The following NUDC variants were observed in gnomAD, a reference collection of about 807,000 sequenced individuals.
The protein encoded by NUDC is nuclear migration protein nudC.
In NUDC, 14 loss-of-function variants were observed where a neutral mutation model predicts 45.0. That is an observed-to-expected ratio of 0.31 (90% CI 0.21 to 0.49). The LOEUF (loss-of-function observed/expected upper bound fraction) is 0.49, where lower values mean the gene tolerates loss of function less well. NUDC is among the 20% of genes least tolerant of loss of function. The pLI is 0.99. For synonymous variants in NUDC, 153 were observed against 156.7 expected, an observed-to-expected ratio of 0.98 and a Z score of 0.17; for missense variants, 323 against 426.2, an observed-to-expected ratio of 0.76 and a Z score of 2.13.
chr1:26,919,798 G>C (rs1199501009), upstream of NUDC, among the ~76,000 whole-genome samples: 2 of 152,218 alleles, frequency 1.3e-5, no homozygotes, highest in African/African-American at 4.8e-5. Flanking sequence ...AAGTGAGATA[G>C]AGTGGGAAGA....
At chr1:26,916,659 A>G (rs1368427040) in intron 3 of NUDC, among the ~76,000 whole-genome samples, 1 of 151,994 alleles carries the variant, frequency 6.6e-6, no homozygotes, top group Non-Finnish European at 1.5e-5. Context: ...CTAGAATCAT[A>G]CTAAAAAACC....
At chr1:26,923,752 G>A (rs989625852) in intron 1 of NUDC, among the ~76,000 whole-genome samples, 3 of 152,136 alleles carry the variant, frequency 2.0e-5, no homozygotes, top group African/African-American at 4.8e-5. Context: ...GATTATAGGT[G>A]TGAGCCAGTG....
intron 2 of NUDC, among the ~76,000 whole-genome samples, chr1:26,931,499 G>A (rs1362482419): frequency 6.9e-6 from 1 of 145,778 alleles, no homozygotes; most frequent in Admixed American, 7.0e-5. Context: ...TTCTCGTACC[G>A]GTTGGGCACG....
intron 2 of NUDC, among the ~76,000 whole-genome samples, chr1:26,906,064 C>G (rs1423710733): frequency 6.6e-6 from 1 of 151,980 alleles, no homozygotes; most frequent in Non-Finnish European, 1.5e-5. Flanking sequence ...GGCGGATCAC[C>G]TGAGGTTGGG....
chr1:26,939,201 C>T (rs926643454), intron 2 of NUDC, among the ~76,000 whole-genome samples: 3 of 152,024 alleles, frequency 2.0e-5, no homozygotes, highest in Admixed American at 6.6e-5. Context: ...ACCATGTTGG[C>T]CAGGGTGGTC....
chr1:26,939,600 A>T (rs574098936), intron 2 of NUDC, among the ~76,000 whole-genome samples: 48 of 152,110 alleles, frequency 3.2e-4, no homozygotes, highest in African/African-American at 9.9e-4. Flanking sequence ...CATGCCTCAA[A>T]AATAATAATA....
chr1:26,922,382 C>T (rs941582413), intron 1 of NUDC: 1 of 209,768 alleles, frequency 4.8e-6, no homozygotes, highest in Admixed American at 5.4e-5. Context: ...CCTGTGTTCA[C>T]GATTAGTTTC....
intron 1 of NUDC, among the ~76,000 whole-genome samples, chr1:26,922,663 T>G (rs1391245969): frequency 6.6e-6 from 1 of 152,228 alleles, no homozygotes; most frequent in African/African-American, 2.4e-5. Context: ...ACTCTCATTC[T>G]CAGAGCCAGA....
upstream of NUDC, among the ~76,000 whole-genome samples, chr1:26,918,279 C>CTT (rs749407425): frequency 3.7e-4 from 42 of 113,800 alleles, no homozygotes; most frequent in African/African-American, 5.0e-4. Context: ...TCAAGTGATT[C>CTT]TTTTTTTTTT....
chr1:26,921,815 G>T lies in NUDC; in HGVS notation c.-34G>T. On this transcript the variant is annotated 5_prime_UTR_variant, in exon 1 of 9. Transcript: ENST00000321265. ...AGCGTAGAGAGCGCGGGACTAGAGT[G>T]CAGAGCTCCGGGACGTGGATCGGAG... 6.5e-7 allele frequency: 1 copy of T among 1,546,858 alleles called. No individual in the cohort carries two copies. Among genetic ancestry groups the T allele is most frequent in the Non-Finnish European group, 8.7e-7 (1 of 1,144,404 alleles).
intron 2 of NUDC, chr1:26,902,454 G>GT (rs2124043932): frequency 6.6e-6 from 1 of 152,384 alleles, no homozygotes; most frequent in South Asian, 2.1e-4. Context: ...TTACTCCTCT[G>GT]TATGAGAGAA....
intron 1 of NUDC, among the ~76,000 whole-genome samples, chr1:26,900,866 G>T (rs367579724): frequency 5.3e-5 from 8 of 152,254 alleles, no homozygotes; most frequent in African/African-American, 1.9e-4. Flanking sequence ...AAAATGGGCC[G>T]AAGATACTTC....
intron 1 of NUDC, chr1:26,922,629 G>T (rs2082100885): frequency 6.5e-6 from 1 of 152,672 alleles, no homozygotes; most frequent in Non-Finnish European, 1.5e-5. Flanking sequence ...AAAGTTAACG[G>T]TAGAAAAGTC....
intron 2 of NUDC, among the ~76,000 whole-genome samples, chr1:26,904,145 T>A: frequency 6.7e-6 from 1 of 149,244 alleles, no homozygotes. Flanking sequence ...TAAACCCACA[T>A]CATATCTGGA....
intron 2 of NUDC, among the ~76,000 whole-genome samples, chr1:26,902,525 G>A (rs1424201374): frequency 6.6e-6 from 1 of 152,138 alleles, no homozygotes; most frequent in Admixed American, 6.5e-5. Flanking sequence ...GGTCCTCCCT[G>A]CTGCAATATT....
chr1:26,911,131 T>A, exon 3 of NUDC: 1 of 471,082 alleles, frequency 2.1e-6, no homozygotes, highest in Non-Finnish European at 4.4e-6. Flanking sequence ...TCTGCAGGAA[T>A]GGGGGAAGTG....
At chr1:26,911,659 A>G (rs7504) in intron 3 of NUDC, 472,159 of 681,134 alleles carry the variant, frequency 0.69, 176,757 homozygotes, top group Non-Finnish European at 0.79. Flanking sequence ...GGCAGCTGGA[A>G]CACTGTGTCC....
Position 26,914,822 on chromosome 1 carries a change from C to T in NUDC, c.93+3587C>T, listed in dbSNP as rs182837020. Among the ~76,000 whole-genome samples the T allele has an allele frequency of 9.1e-4, 138 of 151,952 alleles. 1 individual carries two copies. Among genetic ancestry groups the T allele is most frequent in the African/African-American group, 3.1e-3 (127 of 41,436 alleles). On this transcript the variant is annotated intron_variant, in intron 3 of 6. Transcript: ENST00000435827. ...TCTCTACTAAAAATACAAAAATTAG[C>T]CGGGCATGGTGGCATGTGCCTGTAG...
chr1:26,934,481 A>C (rs149336293), intron 2 of NUDC, among the ~76,000 whole-genome samples: 22 of 152,210 alleles, frequency 1.4e-4, no homozygotes, highest in African/African-American at 5.3e-4. Flanking sequence ...ACCCCCGCCA[A>C]ATCTCATGTC....
Sources: gnomAD v4.1 joint callset for allele counts (sites outside exome capture counted in the v4.1 genomes callset) on GRCh38, gnomAD v4.1.1 for gene constraint, MANE v1.5 for transcripts, NCBI Gene and HGNC (gene_info 2026-07-23, HGNC 2026-07-21) for gene names.